The following NXPH1 variants were observed in gnomAD, a reference collection of about 807,000 sequenced individuals.
NXPH1 encodes neurexophilin-1.
NXPH1 carries 5 observed loss-of-function variants against 23.7 expected under a neutral mutation model. The ratio of observed to expected loss-of-function variants is 0.21; its 90% CI spans 0.11 to 0.44. The LOEUF is 0.44. Ranked by LOEUF, NXPH1 falls within the 20% of genes least tolerant of loss-of-function variation. The pLI is 0.99. For synonymous variants in NXPH1, 144 were observed against 122.2 expected (o/e 1.18, Z -1.18); for missense variants, 324 against 321.6 (o/e 1.01, Z -0.06).
Position 8,459,544 on chromosome 7 carries a change from A to T in NXPH1, c.54+23777A>T, listed in dbSNP as rs181902669. On this transcript the variant is annotated intron_variant, in intron 2 of 2. Transcript: ENST00000405863. ...AATTTGGTTAAAAATGTGTAATTGT[A>T]CTCTGCCCTGCCATCTTCTTTCTTC... Among the ~76,000 whole-genome samples, 41 of 152,272 alleles carry T rather than the reference A, an allele frequency of 2.7e-4. No homozygotes were observed. The East Asian group carries it at 7.5e-3, about 28-fold the overall frequency.
intron 2 of NXPH1, among the ~76,000 whole-genome samples, chr7:8,604,359 T>C (rs777561158): frequency 1.2e-4 from 19 of 152,202 alleles, no homozygotes; most frequent in Non-Finnish European, 2.6e-4. Flanking sequence ...CAACACTGAA[T>C]GTACTCTTTG....
At chr7:8,706,684 A>T (rs536480452) in intron 2 of NXPH1, among the ~76,000 whole-genome samples, 1 of 152,066 alleles carries the variant, frequency 6.6e-6, no homozygotes, top group African/African-American at 2.4e-5. Flanking sequence ...GCAAAACTAG[A>T]CACTATTCCT....
At chr7:8,583,557 G>C (rs1386482986) in intron 2 of NXPH1, among the ~76,000 whole-genome samples, 2 of 152,174 alleles carry the variant, frequency 1.3e-5, no homozygotes, top group Non-Finnish European at 2.9e-5. Context: ...CTTACAGTGG[G>C]AGAGACTGAG....
chr7:8,460,912 G>A (rs1229421752), intron 2 of NXPH1, among the ~76,000 whole-genome samples: 1 of 152,178 alleles, frequency 6.6e-6, no homozygotes, highest in African/African-American at 2.4e-5. Flanking sequence ...CCATGTGAAA[G>A]TACCTGGCAC....
At chr7:8,644,327 G>A (rs1193153448) in intron 2 of NXPH1, among the ~76,000 whole-genome samples, 1 of 152,164 alleles carries the variant, frequency 6.6e-6, no homozygotes, top group Non-Finnish European at 1.5e-5. Flanking sequence ...ACCCATGAAT[G>A]TCCTGCTGTT....
intron 2 of NXPH1, among the ~76,000 whole-genome samples, chr7:8,469,732 C>T (rs990912897): frequency 5.3e-5 from 8 of 152,220 alleles, no homozygotes; most frequent in African/African-American, 1.9e-4. Flanking sequence ...CACACTATTA[C>T]TATTATTGCT....
chr7:8,595,056 C>T (rs979222235), intron 2 of NXPH1, among the ~76,000 whole-genome samples: 1 of 151,974 alleles, frequency 6.6e-6, no homozygotes, highest in African/African-American at 2.4e-5. Flanking sequence ...ATCTCAAGGT[C>T]ACCCTGGAGA....
intron 2 of NXPH1, among the ~76,000 whole-genome samples, chr7:8,658,598 G>C (rs1820618389): frequency 6.6e-6 from 1 of 152,078 alleles, no homozygotes; most frequent in African/African-American, 2.4e-5. Flanking sequence ...TCTATCCTTG[G>C]CTTTGATTTG....
At chr7:8,494,195 A>T (rs749971212) in intron 2 of NXPH1, among the ~76,000 whole-genome samples, 33 of 151,240 alleles carry the variant, frequency 2.2e-4, no homozygotes, top group Admixed American at 1.3e-3. Flanking sequence ...TAGTAGAGTG[A>T]TTTTTCATAG....
At position 8,752,915 on chromosome 7, in the gene NXPH1, A is replaced by G. The variant is rs1780590295; in HGVS notation, c.*1146A>G. ...TGTATTTAGATATTTTATTTCTGGA[A>G]AAAATGAAATGTACATAAAAATAAA... On this transcript the variant is annotated 3_prime_UTR_variant, in exon 3 of 3. Coordinates refer to ENST00000405863, the MANE Select transcript of NXPH1 (RefSeq NM_152745.3). 6.6e-6 allele frequency: 1 copy of G among 152,542 alleles called. No homozygotes were observed. Among genetic ancestry groups the G allele is most frequent in the Non-Finnish European group, 1.5e-5 (1 of 68,026 alleles). 9.4% of individuals were successfully genotyped at this position (152,542 alleles called of 1,614,324 possible). A position where few individuals can be genotyped will look rare whatever the true frequency, so the allele number is the denominator to read the frequency against.
intron 2 of NXPH1, among the ~76,000 whole-genome samples, chr7:8,737,799 G>A (rs1276382585): frequency 6.6e-6 from 1 of 152,038 alleles, no homozygotes; most frequent in Non-Finnish European, 1.5e-5. Flanking sequence ...TTATTCACAC[G>A]TTCACATATT....
At position 8,752,578 on chromosome 7, in the gene NXPH1, G is replaced by A. The variant is rs1365284037; in HGVS notation, c.*809G>A. 1 of 152,466 alleles carries A rather than the reference G, an allele frequency of 6.6e-6. No homozygotes were observed. The highest frequency in any genetic ancestry group is 1.5e-5 in the Non-Finnish European group (1 of 68,002). 9.4% of individuals were successfully genotyped at this position (152,466 alleles called of 1,614,324 possible). On this transcript the variant is annotated 3_prime_UTR_variant, in exon 3 of 3. Transcript: ENST00000405863. Reference sequence around the variant, plus strand: ...TCATTATATAAGAAGGGAAATGCCTGGCAGACACCATGTAAGTTATAAGTG... The same window carrying A: ...TCATTATATAAGAAGGGAAATGCCTAGCAGACACCATGTAAGTTATAAGTG...
chr7:8,461,827 A>C (rs1414128658), intron 2 of NXPH1, among the ~76,000 whole-genome samples: 2 of 145,702 alleles, frequency 1.4e-5, no homozygotes, highest in Non-Finnish European at 3.0e-5. Context: ...ACAGAGCGAG[A>C]CTCCGTCTCA....
At chr7:8,727,096 G>A (rs1236250417) in intron 2 of NXPH1, among the ~76,000 whole-genome samples, 5 of 148,426 alleles carry the variant, frequency 3.4e-5, no homozygotes, top group Admixed American at 6.7e-5. Flanking sequence ...GTGATGGTGA[G>A]CATTTTTTCA....
intron 2 of NXPH1, among the ~76,000 whole-genome samples, chr7:8,584,865 G>A (rs1020010814): frequency 6.6e-6 from 1 of 152,032 alleles, no homozygotes; most frequent in Admixed American, 6.5e-5. Context: ...ACATTACTTT[G>A]TACTATGTAT....
At chr7:8,448,818 G>GAA (rs34098217) in intron 2 of NXPH1, among the ~76,000 whole-genome samples, 8 of 106,048 alleles carry the variant, frequency 7.5e-5, no homozygotes, top group Admixed American at 2.2e-4. Context: ...TCGTCTCGGG[G>GAA]AAAAAAAAAA....
At chr7:8,749,712 A>G (rs565079781) in intron 2 of NXPH1, among the ~76,000 whole-genome samples, 3 of 152,298 alleles carry the variant, frequency 2.0e-5, no homozygotes, top group Non-Finnish European at 2.9e-5. Context: ...ATATAAGTCT[A>G]TTGTGAAATG....
At chr7:8,529,472 G>A (rs1817918539) in intron 2 of NXPH1, among the ~76,000 whole-genome samples, 1 of 152,128 alleles carries the variant, frequency 6.6e-6, no homozygotes, top group Non-Finnish European at 1.5e-5. Flanking sequence ...CTTGATGGGA[G>A]TCATGATAAG....
intron 2 of NXPH1, among the ~76,000 whole-genome samples, chr7:8,719,357 A>T (rs1290525069): frequency 1.3e-5 from 2 of 152,206 alleles, no homozygotes; most frequent in Admixed American, 6.5e-5. Context: ...TCATTGACAT[A>T]ATAGAAAGTA....
Sources: allele counts gnomAD v4.1 joint callset (sites outside exome capture counted in the v4.1 genomes callset), GRCh38; gene constraint gnomAD v4.1.1; transcripts MANE v1.5; gene names NCBI Gene and HGNC (gene_info 2026-07-23, HGNC 2026-07-21).